The following CHN2 variants were observed in gnomAD, a reference collection of about 807,000 sequenced individuals.
CHN2 encodes beta-chimaerin.
A neutral mutation model predicts 56.3 loss-of-function variants in CHN2; 35 were observed. That is an observed-to-expected ratio of 0.62 (90% confidence interval 0.47 to 0.82). CHN2 has a LOEUF of 0.82. CHN2 is among the 40% of genes least tolerant of loss of function. CHN2 has a pLI of 0.00. For synonymous variants in CHN2, 210 were observed against 212.8 expected (o/e 0.99, Z 0.12); for missense variants, 491 against 580.5 (o/e 0.85, Z 1.58).
intron 1 of CHN2, among the ~76,000 whole-genome samples, chr7:29,312,835 A>T (rs1339643772): frequency 6.6e-6 from 1 of 152,158 alleles, no homozygotes; most frequent in East Asian, 1.9e-4. Flanking sequence ...ATAACCTATT[A>T]TACTTGCAAA....
intron 1 of CHN2, among the ~76,000 whole-genome samples, chr7:29,232,473 A>G (rs1786792321): frequency 6.6e-6 from 1 of 152,174 alleles, no homozygotes; most frequent in Non-Finnish European, 1.5e-5. Context: ...GAGAAACAAT[A>G]TTCTCTAGCT....
At chr7:29,293,857 A>ATTTTTTTTTTTTTTTTTT (rs70980522) in intron 1 of CHN2, among the ~76,000 whole-genome samples, 1 of 78,496 alleles carries the variant, frequency 1.3e-5, no homozygotes, top group African/African-American at 5.0e-5. Context: ...GAGGCTGGGA[A>ATTTTTTTTTTTTTTTTTT]TTTTTTTTTT....
At chr7:29,335,008 T>C (rs189006147) in intron 1 of CHN2, among the ~76,000 whole-genome samples, 7 of 152,378 alleles carry the variant, frequency 4.6e-5, no homozygotes, top group Non-Finnish European at 8.8e-5. Flanking sequence ...TCTTAATCAG[T>C]GGATACCTTT....
chr7:29,351,107 CAAAAA>C (rs55787771), intron 1 of CHN2, among the ~76,000 whole-genome samples: 8 of 70,074 alleles, frequency 1.1e-4, no homozygotes, highest in African/African-American at 3.0e-4. Flanking sequence ...GACTCCATCT[CAAAAA>C]AAAAAAAAAA....
chr7:29,154,322 G>A (rs543369310), intron 2 of CHN2, among the ~76,000 whole-genome samples: 5 of 152,178 alleles, frequency 3.3e-5, no homozygotes, highest in Non-Finnish European at 5.9e-5. Flanking sequence ...CCATTCGTAT[G>A]CAGTGAATCA....
intron 1 of CHN2, among the ~76,000 whole-genome samples, chr7:29,305,208 G>T (rs1794046703): frequency 6.6e-6 from 1 of 152,178 alleles, no homozygotes; most frequent in Admixed American, 6.5e-5. Flanking sequence ...GTGTTTTTCT[G>T]AGGACCCCAT....
chr7:29,169,822 GTA>G (rs201753678), intron 2 of CHN2, among the ~76,000 whole-genome samples: 17 of 150,184 alleles, frequency 1.1e-4, no homozygotes, highest in South Asian at 2.1e-4. Flanking sequence ...GGGATAAGAT[GTA>G]TATATATATA....
At chr7:29,239,851 G>T (rs776555691) in intron 1 of CHN2, among the ~76,000 whole-genome samples, 1 of 152,154 alleles carries the variant, frequency 6.6e-6, no homozygotes, top group East Asian at 1.9e-4. Flanking sequence ...GGGCAGCACT[G>T]GTCCCCTCCC....
At chr7:29,167,078 G>A (rs372053531) in intron 2 of CHN2, among the ~76,000 whole-genome samples, 3 of 152,110 alleles carry the variant, frequency 2.0e-5, no homozygotes, top group South Asian at 4.2e-4. Context: ...ACAACTTGAC[G>A]AAAAGAATAT....
At chr7:29,504,685 T>TTC (rs1204857372) in intron 9 of CHN2, 59 bp from the exon 10 acceptor site, 1 of 1,137,098 alleles carries the variant, frequency 8.8e-7, no homozygotes, top group African/African-American at 1.6e-5. Context: ...AATTAGTCTT[T>TTC]TTTTTTTTTT....
intron 2 of CHN2, among the ~76,000 whole-genome samples, chr7:29,158,964 G>A (rs567077412): frequency 7.2e-5 from 11 of 152,260 alleles, no homozygotes; most frequent in East Asian, 3.9e-4. Flanking sequence ...GATACCCTGC[G>A]GCAATCGAAA....
chr7:29,361,701 G>T lies in CHN2; in HGVS notation c.89-6231G>T, dbSNP rs1463419123. Among the ~76,000 whole-genome samples, 4 of 152,172 alleles carry T rather than the reference G, an allele frequency of 2.6e-5. No individual in the cohort carries two copies. The East Asian group carries it at 5.8e-4, about 22-fold the overall frequency. ...GAGGGTTCCTAGAGAATGCAGCTAT[G>T]GGATTTAGCCTGTTGACATAGGAGA... On this transcript the variant is annotated intron_variant, in intron 2 of 12. Coordinates refer to ENST00000222792, the MANE Select transcript of CHN2 (RefSeq NM_004067.4).
At chr7:29,410,244 G>T (rs76191430) in intron 6 of CHN2, among the ~76,000 whole-genome samples, 9,098 of 152,198 alleles carry the variant, frequency 0.06, 293 homozygotes, top group Middle Eastern at 0.1. Context: ...GGGCTTAATC[G>T]TAGGAACAGT....
At chr7:29,356,998 C>T (rs1011747508) in intron 2 of CHN2, among the ~76,000 whole-genome samples, 2 of 152,142 alleles carry the variant, frequency 1.3e-5, no homozygotes, top group Non-Finnish European at 2.9e-5. Flanking sequence ...TTTGCTGAAG[C>T]GAAAAGATGG....
chr7:29,377,593 C>T (rs1319966749), intron 3 of CHN2, among the ~76,000 whole-genome samples: 1 of 152,190 alleles, frequency 6.6e-6, no homozygotes, highest in Non-Finnish European at 1.5e-5. Context: ...ATGAGCATTT[C>T]TCAATTCAGG....
At chr7:29,324,351 T>C (rs540378185) in intron 1 of CHN2, among the ~76,000 whole-genome samples, 3 of 152,332 alleles carry the variant, frequency 2.0e-5, no homozygotes, top group East Asian at 1.9e-4. Flanking sequence ...ATAAAAGTGA[T>C]TGAATTTTGA....
intron 7 of CHN2, among the ~76,000 whole-genome samples, chr7:29,486,152 G>T (rs561877909): frequency 6.6e-5 from 10 of 152,180 alleles, no homozygotes; most frequent in Non-Finnish European, 1.0e-4. Flanking sequence ...GATGGGAGGG[G>T]GTGGGGAGAG....
At chr7:29,155,768 G>A (rs1794276199) in intron 2 of CHN2, among the ~76,000 whole-genome samples, 1 of 152,146 alleles carries the variant, frequency 6.6e-6, no homozygotes. Flanking sequence ...GCTGGCTGGA[G>A]GGGTCCTGTT....
upstream of CHN2, chr7:29,192,937 T>TG (rs955006210): frequency 2.4e-4 from 36 of 152,340 alleles, no homozygotes; most frequent in African/African-American, 8.2e-4. Context: ...AGAAGAACTC[T>TG]GGGGAAACAG....
Sources: gnomAD v4.1 joint callset for allele counts (sites outside exome capture counted in the v4.1 genomes callset) on GRCh38, gnomAD v4.1.1 for gene constraint, MANE v1.5 for transcripts, NCBI Gene and HGNC (gene_info 2026-07-23, HGNC 2026-07-21) for gene names.